SLC26A4: variants seen among roughly 807,000 people sequenced by gnomAD.
SLC26A4 encodes solute carrier family 26 member 4, also known as pendrin.
A neutral mutation model predicts 90.4 loss-of-function variants in SLC26A4; 93 were observed. The observed-to-expected ratio is 1.03, with a 90% CI of 0.87 to 1.22. The LOEUF (loss-of-function observed/expected upper bound fraction) is 1.22. Among genes scored for constraint, SLC26A4 ranks in the 50% most tolerant of loss-of-function variants. The probability of loss-of-function intolerance (pLI) is 0.00; values close to 1 mark genes in which losing one functional copy is unlikely to be tolerated. For synonymous variants in SLC26A4, 393 were observed against 354.6 expected (o/e 1.11, Z -1.22); for missense variants, 1,127 against 946.2 (o/e 1.19, Z -2.51).
chr7:107,684,012 T>G (rs1314543176), intron 8 of SLC26A4, among the ~76,000 whole-genome samples: 1 of 152,186 alleles, frequency 6.6e-6, no homozygotes, highest in Non-Finnish European at 1.5e-5. Context: ...TAGAAACATT[T>G]GGTAGTTTGG....
rs936476035 is a variant in SLC26A4, at chr7:107,716,811, G to A, written c.*1365G>A. On this transcript the variant is annotated 3_prime_UTR_variant, in exon 21 of 21. Transcript: ENST00000644269. ...TCCAGGGATTGGTTTCAGGACCCCT[G>A]CATTTACCAAAATTTGTGCACACTC... 1.3e-5 allele frequency: 2 copies of A among 152,082 alleles called. No homozygotes were observed. Among genetic ancestry groups the A allele is most frequent in the African/African-American group, 4.8e-5 (2 of 41,406 alleles). 9.4% of individuals were successfully genotyped at this position (152,082 alleles called of 1,614,324 possible).
rs376124602 is a variant in SLC26A4 at position 107,701,136 on chromosome 7, G to A, written c.1743G>A (p.Arg581=). The A allele has an allele frequency of 6.2e-7, 1 of 1,610,976 alleles. No individual in the cohort carries two copies. The highest frequency in any genetic ancestry group is 8.5e-7 in the Non-Finnish European group (1 of 1,177,302). ...GFDAIRVYNK[R]LKALRKIQKL... Reference sequence around the variant, plus strand: ...ATGCCATTAGAGTATATAATAAGAGGCTGAAAGCGCTGAGGAAAATACAGA... The same window carrying A: ...ATGCCATTAGAGTATATAATAAGAGACTGAAAGCGCTGAGGAAAATACAGA... Residue 581 remains arginine, a synonymous_variant, in exon 16 of 21, where the codon AGG becomes AGA. Coordinates refer to ENST00000644269, the MANE Select transcript of SLC26A4 (RefSeq NM_000441.2).
intron 8 of SLC26A4, among the ~76,000 whole-genome samples, chr7:107,685,113 G>A (rs1791359466): frequency 6.6e-6 from 1 of 152,118 alleles, no homozygotes; most frequent in African/African-American, 2.4e-5. Context: ...CCTGGCCCCA[G>A]GGACTTTAAG....
chr7:107,692,781 G>A (rs1428064843), intron 10 of SLC26A4, among the ~76,000 whole-genome samples: 2 of 152,058 alleles, frequency 1.3e-5, no homozygotes, highest in Non-Finnish European at 2.9e-5. Context: ...TAATTTTTTA[G>A]TAACTGAATC....
intron 3 of SLC26A4, 79 bp from the exon 4 acceptor site, chr7:107,672,057 AGT>A: frequency 1.2e-6 from 1 of 858,862 alleles, no homozygotes; most frequent in South Asian, 1.3e-5. Context: ...CAAAGTCATA[AGT>A]GGAACCATTG....
At chr7:107,671,496 C>G (rs1790865579) in intron 3 of SLC26A4, among the ~76,000 whole-genome samples, 2 of 152,274 alleles carry the variant, frequency 1.3e-5, no homozygotes, top group Admixed American at 1.3e-4. Context: ...ATTGTTTTTT[C>G]CCACTGATCT....
rs57346042 is a variant in SLC26A4, at chr7:107,678,342, C to T, written c.765+3233C>T. 0.012 allele frequency among the ~76,000 whole-genome samples: 1,856 copies of T among 152,300 alleles called. 71 individuals carry two copies. In the East Asian group the frequency reaches 0.12, roughly 10 times the overall value. On this transcript the variant is annotated intron_variant, in intron 6 of 20. Coordinates refer to ENST00000644269, the MANE Select transcript of SLC26A4 (RefSeq NM_000441.2). ...CAAGACATCTCTTACTGAGTATTCT[C>T]ACCTCACTGGGCAAACATTGCTAGG...
Position 107,690,236 on chromosome 7 carries a change from A to C in SLC26A4, c.1262A>C (p.Gln421Pro), listed in dbSNP as rs201660407. 9 of 1,550,506 alleles carry C rather than the reference A, an allele frequency of 5.8e-6. No homozygotes were observed. Among genetic ancestry groups the C allele is most frequent in the Middle Eastern group, 1.7e-4 (1 of 5,930 alleles). Reference sequence around the variant, plus strand: ...CAGGAGAGCACTGGAGGAAAGACACAGGTAGGAACAACAGCCTTATGATAT... The same window carrying C: ...CAGGAGAGCACTGGAGGAAAGACACCGGTAGGAACAACAGCCTTATGATAT... ...AVQESTGGKT[Q>P]VAGIISAAIV... The change falls in exon 10 of 21, where the codon CAG becomes CCG. Residue 421 changes from glutamine (Q) to proline (P), a missense_variant and splice_region_variant. Physicochemically the swap from Gln to Pro is moderately conservative, Grantham distance 76. Coordinates refer to ENST00000644269, the MANE Select transcript of SLC26A4 (RefSeq NM_000441.2).
chr7:107,665,637 G>A (rs1189416384), intron 3 of SLC26A4, among the ~76,000 whole-genome samples: 2 of 152,108 alleles, frequency 1.3e-5, no homozygotes, highest in Non-Finnish European at 2.9e-5. Context: ...CATGCTCCAT[G>A]TCTCCCCAGT....
intron 14 of SLC26A4, among the ~76,000 whole-genome samples, chr7:107,699,001 AC>A (rs1791816587): frequency 6.6e-6 from 1 of 152,068 alleles, no homozygotes; most frequent in Non-Finnish European, 1.5e-5. Context: ...AATAATATCA[AC>A]CCTAGGAAGT....
In SLC26A4 at chr7:107,675,863, C is replaced by T. The variant is rs528719562; in HGVS notation, c.765+754C>T. ...CTGGGATTACAGGCGTGAGCCACCG[C>T]GCCCGGCCTGGGAGCACCCACATTT... On this transcript the variant is annotated intron_variant, in intron 6 of 20. Transcript: ENST00000644269. 7.4e-4 allele frequency among the ~76,000 whole-genome samples: 112 copies of T among 151,400 alleles called. 1 individual carries two copies. Among genetic ancestry groups the T allele is most frequent in the Admixed American group, 1.3e-3 (20 of 15,200 alleles).
intron 8 of SLC26A4, among the ~76,000 whole-genome samples, chr7:107,685,063 G>A (rs555304265): frequency 6.6e-6 from 1 of 152,208 alleles, no homozygotes; most frequent in African/African-American, 2.4e-5. Flanking sequence ...TGAATCCTTT[G>A]ACAGACCACC....
At chr7:107,691,514 TACACAC>T (rs113976786) in intron 10 of SLC26A4, among the ~76,000 whole-genome samples, 2 of 130,978 alleles carry the variant, frequency 1.5e-5, no homozygotes, top group African/African-American at 5.8e-5. Context: ...AATATATATA[TACACAC>T]ACACACACAC....
intron 8 of SLC26A4, among the ~76,000 whole-genome samples, chr7:107,688,083 C>T (rs990292300): frequency 6.6e-6 from 1 of 152,140 alleles, no homozygotes; most frequent in Non-Finnish European, 1.5e-5. Context: ...CCTGGACCCA[C>T]TAACTGACAT....
intron 3 of SLC26A4, among the ~76,000 whole-genome samples, chr7:107,671,199 G>C (rs1049382689): frequency 1.3e-5 from 2 of 152,028 alleles, no homozygotes; most frequent in Non-Finnish European, 2.9e-5. Context: ...GTCTTGCTCT[G>C]TTGCCCAGGC....
chr7:107,709,731 G>A (rs990669755), intron 18 of SLC26A4, among the ~76,000 whole-genome samples: 1 of 152,028 alleles, frequency 6.6e-6, no homozygotes, highest in African/African-American at 2.4e-5. Flanking sequence ...ATATACTACT[G>A]GAAAAGAAAC....
chr7:107,683,213 G>T lies in SLC26A4; in HGVS notation c.777G>T (p.Glu259Asp), dbSNP rs368138937. The change falls in exon 7 of 21, where the codon GAG (glutamate) becomes GAT (aspartate). Residue 259 changes from glutamate (E) to aspartate (D), a missense_variant. Glu to Asp is a conservative substitution (Grantham distance 45, BLOSUM62 2). Transcript: ENST00000644269. ...GVLSIIYTLVEIFQNIGDTNL... is the reference protein window; with the variant it reads ...GVLSIIYTLVDIFQNIGDTNL... Reference sequence around the variant, plus strand: ...TTTTCTTTTTATAGACGCTGGTTGAGATTTTTCAAAATATTGGTGATACCA... The same window carrying T: ...TTTTCTTTTTATAGACGCTGGTTGATATTTTTCAAAATATTGGTGATACCA... The T allele has an allele frequency of 1.2e-6, 2 of 1,611,970 alleles. No individual in the cohort carries two copies. Among genetic ancestry groups the T allele is most frequent in the African/African-American group, 2.7e-5 (2 of 74,834 alleles).
chr7:107,663,178 C>G lies in SLC26A4; in HGVS notation c.165-118C>G, dbSNP rs918740423. The G allele has an allele frequency of 1.9e-5, 22 of 1,187,860 alleles. No homozygotes were observed. The Admixed American group carries it at 3.4e-4, about 18-fold the overall frequency. The allele number at this position is 1,187,860 out of a possible 1,614,324, so 73.6% of individuals were successfully genotyped here. A position where few individuals can be genotyped will look rare whatever the true frequency, so the allele number is the denominator to read the frequency against. ...CAGGGTTATTATTTTCCAGGAAATA[C>G]TTATCCTTTTTCCAAATAGTTATAA... On this transcript the variant is annotated intron_variant, in intron 2 of 20. Coordinates refer to ENST00000644269, the MANE Select transcript of SLC26A4 (RefSeq NM_000441.2).
intron 13 of SLC26A4, 139 bp from the exon 14 acceptor site, chr7:107,697,903 T>TG: frequency 1.5e-6 from 1 of 689,580 alleles, no homozygotes; most frequent in South Asian, 1.6e-5. Flanking sequence ...CAGAGTTAGC[T>TG]ACAGGAAAAT....
Sources: allele counts gnomAD v4.1 joint callset (sites outside exome capture counted in the v4.1 genomes callset), GRCh38; gene constraint gnomAD v4.1.1; transcripts MANE v1.5; gene names NCBI Gene and HGNC (gene_info 2026-07-23, HGNC 2026-07-21).